Variants in KCNN3 observed in about 807,000 individuals in gnomAD.
KCNN3 encodes the protein small conductance calcium-activated potassium channel protein 3.
Under a neutral mutation model 62.9 loss-of-function variants are expected in KCNN3, and 16 were observed. That is an observed-to-expected ratio of 0.25 (90% CI 0.17 to 0.39). The LOEUF is 0.39. Ranked by LOEUF, KCNN3 falls within the 10% of genes least tolerant of loss-of-function variation. The pLI is 1.00. For missense variants in KCNN3, 599 were observed against 949.4 expected, an observed-to-expected ratio of 0.63 and a Z score of 4.85; for synonymous variants, 370 against 389.2, an observed-to-expected ratio of 0.95 and a Z score of 0.58.
intron 3 of KCNN3, among the ~76,000 whole-genome samples, chr1:154,756,063 G>A (rs1281852565): frequency 2.7e-5 from 3 of 112,244 alleles, no homozygotes; most frequent in African/African-American, 3.9e-5. Context: ...AAGAGGAAGA[G>A]GAAGAAGAAG....
chr1:154,745,894 A>G (rs1466651267), intron 3 of KCNN3, among the ~76,000 whole-genome samples: 1 of 152,200 alleles, frequency 6.6e-6, no homozygotes, highest in African/African-American at 2.4e-5. Flanking sequence ...CTTCCACGGT[A>G]TCTGGAGATG....
chr1:154,721,558 C>T (rs1256706232), intron 5 of KCNN3, among the ~76,000 whole-genome samples: 2 of 152,134 alleles, frequency 1.3e-5, no homozygotes, highest in Non-Finnish European at 2.9e-5. Flanking sequence ...ACGTCGGCCT[C>T]GCAAAGTGCT....
intron 1 of KCNN3, among the ~76,000 whole-genome samples, chr1:154,825,196 G>T (rs984538325): frequency 6.6e-6 from 1 of 152,064 alleles, no homozygotes; most frequent in Non-Finnish European, 1.5e-5. Context: ...CACACGCATT[G>T]CCCCCACTCA....
chr1:154,768,580 A>G (rs565830911), intron 3 of KCNN3, among the ~76,000 whole-genome samples: 3 of 152,238 alleles, frequency 2.0e-5, no homozygotes, highest in African/African-American at 7.2e-5. Context: ...GTCCTACTAG[A>G]AGCAAACGGG....
chr1:154,714,236 G>A (rs1228282287), intron 6 of KCNN3, among the ~76,000 whole-genome samples: 2 of 8,276 alleles, frequency 2.4e-4, no homozygotes, highest in African/African-American at 8.4e-4. Context: ...TGTGGGGTGT[G>A]TGCGGTGTGT....
intron 3 of KCNN3, among the ~76,000 whole-genome samples, chr1:154,739,206 T>G (rs1032099355): frequency 6.6e-6 from 1 of 152,212 alleles, no homozygotes; most frequent in Admixed American, 6.5e-5. Flanking sequence ...AAGGATTGAC[T>G]CTACAGTGTA....
chr1:154,772,404 C>A lies in KCNN3; in HGVS notation c.1030-11G>T. 1 of 1,613,722 alleles carries A rather than the reference C, an allele frequency of 6.2e-7. No individual in the cohort carries two copies. On this transcript the variant is annotated splice_polypyrimidine_tract_variant and intron_variant, in intron 2 of 7. Coordinates refer to ENST00000271915, the MANE Select transcript of KCNN3 (RefSeq NM_002249.6). This position sits in a 1 kb window ranked among gnomAD's most constrained non-coding sequence, Gnocchi z 5.6. ...GTCGATCACGAAGAGCTGGTGGGAG[C>A]AGAAAGTCCATTAGTGTGGCCAGGA...
rs763649325 is a variant in KCNN3 at position 154,869,840 on chromosome 1, G to GGCTGCTGCTGCTGTT, written c.110_124dup (p.Gln37_Gln41dup). ...GGCTGCTGGTGGCGCTGGCGGTGGTGGCTGCTGCTGCTGTTGCTGCTGCTG... is the reference window on the plus strand; with the variant it reads ...GGCTGCTGGTGGCGCTGGCGGTGGTGGCTGCTGCTGCTGTTGCTGCTGCTGCTGTTGCTGCTGCTG... On this transcript the variant is annotated inframe_insertion, in exon 1 of 8. Transcript: ENST00000271915. This position sits in a 1 kb window ranked among gnomAD's most constrained non-coding sequence, Gnocchi z 6.1. 1.3e-6 allele frequency: 2 copies of GGCTGCTGCTGCTGTT among 1,571,750 alleles called. No individual in the cohort carries two copies. Among genetic ancestry groups the GGCTGCTGCTGCTGTT allele is most frequent in the Middle Eastern group, 1.8e-4 (1 of 5,692 alleles).
intron 2 of KCNN3, among the ~76,000 whole-genome samples, chr1:154,810,753 T>C (rs920052616): frequency 6.6e-6 from 1 of 152,194 alleles, no homozygotes; most frequent in East Asian, 1.9e-4. Context: ...GGCTTCCTAA[T>C]ATTCACCCTT....
intron 1 of KCNN3, among the ~76,000 whole-genome samples, chr1:154,857,028 C>T (rs1571343541): frequency 6.6e-6 from 1 of 152,310 alleles, no homozygotes; most frequent in East Asian, 1.9e-4. Context: ...TCTCGCAAAG[C>T]TCACATCAGA....
rs112899889 is a variant in KCNN3 at position 154,718,655 on chromosome 1, C to T, written c.1702-3652G>A. Among the ~76,000 whole-genome samples, 70 of 152,234 alleles carry T rather than the reference C, an allele frequency of 4.6e-4. No individual in the cohort carries two copies. The South Asian group carries it at 0.012, about 25-fold the overall frequency. On this transcript the variant is annotated intron_variant, in intron 5 of 7. Transcript: ENST00000271915. ...AGTGAACAAATCAATAACATTGCTG[C>T]GCTTACGGAACTTACAATCCTGCGG... is the stretch of plus-strand genomic sequence containing the variant.
At chr1:154,857,525 G>T (rs1652587679) in intron 1 of KCNN3, among the ~76,000 whole-genome samples, 2 of 152,050 alleles carry the variant, frequency 1.3e-5, no homozygotes, top group African/African-American at 2.4e-5. Context: ...GTAAGGGGTG[G>T]GGTGGGCGGG....
intron 2 of KCNN3, among the ~76,000 whole-genome samples, chr1:154,778,039 T>C (rs779947073): frequency 1.3e-5 from 2 of 152,230 alleles, no homozygotes; most frequent in African/African-American, 4.8e-5. Flanking sequence ...GAAGATGCAA[T>C]GTGTCAGTAC....
intron 1 of KCNN3, among the ~76,000 whole-genome samples, chr1:154,865,793 A>G (rs535043012): frequency 1.3e-5 from 2 of 152,352 alleles, no homozygotes; most frequent in South Asian, 4.2e-4. Context: ...GAACTTCAGA[A>G]AGCAGCAGCT....
chr1:154,827,822 C>T (rs1216843460), intron 1 of KCNN3, among the ~76,000 whole-genome samples: 2 of 152,030 alleles, frequency 1.3e-5, no homozygotes, highest in African/African-American at 4.8e-5. Context: ...ATAATAACAA[C>T]AACAATAATA....
At chr1:154,783,234 AAAAG>A (rs1649136576) in intron 2 of KCNN3, among the ~76,000 whole-genome samples, 1 of 151,918 alleles carries the variant, frequency 6.6e-6, no homozygotes, top group Non-Finnish European at 1.5e-5. Context: ...AAGAAAAAAG[AAAAG>A]AAAGAAAACT....
intron 2 of KCNN3, among the ~76,000 whole-genome samples, chr1:154,778,146 G>C (rs187641956): frequency 6.6e-6 from 1 of 152,176 alleles, no homozygotes; most frequent in Non-Finnish European, 1.5e-5. Context: ...CTTAACTGGT[G>C]GTTCTGAGAA....
chr1:154,779,809 C>G (rs1239730272), intron 2 of KCNN3, among the ~76,000 whole-genome samples: 1 of 152,224 alleles, frequency 6.6e-6, no homozygotes, highest in Non-Finnish European at 1.5e-5. Context: ...AGGGATAGTA[C>G]AGAAAGCACT....
chr1:154,806,040 G>C (rs954629606), intron 2 of KCNN3, among the ~76,000 whole-genome samples: 1 of 152,172 alleles, frequency 6.6e-6, no homozygotes, highest in Non-Finnish European at 1.5e-5. Flanking sequence ...CTAGAGCCCC[G>C]TGATGTCCGT....
Sources: gnomAD v4.1 joint callset for allele counts (sites outside exome capture counted in the v4.1 genomes callset) on GRCh38, gnomAD v4.1.1 for gene constraint, Gnocchi (gnomAD v3.1) non-coding constraint, MANE v1.5 for transcripts, NCBI Gene and HGNC (gene_info 2026-07-23, HGNC 2026-07-21) for gene names.